CELSR1: variants seen among roughly 807,000 people sequenced by gnomAD.
The protein encoded by CELSR1 is cadherin EGF LAG seven-pass G-type receptor 1, also known as adhesion G protein-coupled receptor C1.
Under a neutral mutation model 249.1 loss-of-function variants are expected in CELSR1, and 110 were observed. The observed-to-expected ratio is 0.44, with a 90% CI of 0.38 to 0.52. The LOEUF (loss-of-function observed/expected upper bound fraction) is 0.52, where lower values mean the gene tolerates loss of function less well. CELSR1 is among the 20% of genes least tolerant of loss of function. The pLI is 0.00. For synonymous variants in CELSR1, 2,113 were observed against 1,900.0 expected (o/e 1.11, Z -2.92); for missense variants, 4,109 against 4,296.4 (o/e 0.96, Z 1.22).
At chr22:46,503,715 C>G (rs1224740954) in intron 1 of CELSR1, among the ~76,000 whole-genome samples, 1 of 152,206 alleles carries the variant, frequency 6.6e-6, no homozygotes, top group African/African-American at 2.4e-5. Flanking sequence ...CACTAATGAA[C>G]AAGACGGAGA....
intron 5 of CELSR1, among the ~76,000 whole-genome samples, chr22:46,415,141 GTATGGGGTGATGAAAA>G (rs1455351257): frequency 6.6e-6 from 1 of 152,156 alleles, no homozygotes; most frequent in African/African-American, 2.4e-5. Context: ...ACTGCTAATG[GTATGGGGTGATGAAAA>G]TACTTCTTTT....
In CELSR1 at chr22:46,411,561, G is replaced by C. The variant is rs2079335266; in HGVS notation, c.4769+41C>G. The C allele has an allele frequency of 6.2e-7, 1 of 1,610,968 alleles. No homozygotes were observed. The highest frequency in any genetic ancestry group is 2.2e-5 in the East Asian group (1 of 44,824). On this transcript the variant is annotated intron_variant, in intron 6 of 34. Transcript: ENST00000674500. This position sits in a 1 kb window ranked among gnomAD's most constrained non-coding sequence, Gnocchi z 4.2. ...GAAGGCCGCAGGGTGAGCATGTTTG[G>C]GGGTACGGACCCCCAGGGCCTCCCC... is the stretch of plus-strand genomic sequence containing the variant.
intron 14 of CELSR1, among the ~76,000 whole-genome samples, chr22:46,392,603 C>T (rs1432636560): frequency 6.6e-6 from 1 of 152,294 alleles, no homozygotes; most frequent in East Asian, 1.9e-4. Flanking sequence ...GTTGCCCAGT[C>T]TGGAGTGCAG....
In CELSR1 at chr22:46,527,152, G is replaced by T. The variant is rs1469050448; in HGVS notation, c.3544+6475C>A. Among the ~76,000 whole-genome samples, 3 of 152,150 alleles carry T rather than the reference G, an allele frequency of 2.0e-5. 1 individual carries two copies. The South Asian group carries it at 6.2e-4, about 31-fold the overall frequency. ...ACGGTACTTTCCATACCACAGTGTG[G>T]CGGCTGGAAAACTGCAAGCGATGGG... On this transcript the variant is annotated intron_variant, in intron 1 of 34. Coordinates refer to ENST00000674500, the MANE Select transcript of CELSR1 (RefSeq NM_001378328.1). The surrounding 1 kb of genome is among the most constrained non-coding windows in gnomAD (Gnocchi z 5.5).
intron 1 of CELSR1, among the ~76,000 whole-genome samples, chr22:46,497,598 T>C (rs1399127253): frequency 6.6e-6 from 1 of 152,196 alleles, no homozygotes; most frequent in Non-Finnish European, 1.5e-5. Context: ...GACTTGCCAT[T>C]GGAGTTAGGG....
chr22:46,432,226 G>C (rs1035859107), intron 5 of CELSR1, among the ~76,000 whole-genome samples: 1 of 152,232 alleles, frequency 6.6e-6, no homozygotes, highest in African/African-American at 2.4e-5. Flanking sequence ...AGGGACGCCG[G>C]TGGCCAGCAT....
Position 46,409,555 on chromosome 22 carries a change from G to A in CELSR1, c.5059+200C>T, listed in dbSNP as rs959170665. 1.3e-5 allele frequency among the ~76,000 whole-genome samples: 2 copies of A among 152,152 alleles called. No individual in the cohort carries two copies. The highest frequency in any genetic ancestry group is 2.9e-5 in the Non-Finnish European group (2 of 68,016). ...CCCACCCCACACCTGAGGGACTGGG[G>A]ACCCCAGAAGCAGGAGCAGGGGCTC... is the stretch of plus-strand genomic sequence containing the variant. On this transcript the variant is annotated intron_variant, in intron 8 of 34. Transcript: ENST00000674500. The surrounding 1 kb of genome is among the most constrained non-coding windows in gnomAD (Gnocchi z 9.8).
At chr22:46,425,412 C>T (rs5767203) in intron 5 of CELSR1, among the ~76,000 whole-genome samples, 106,213 of 152,114 alleles carry the variant, frequency 0.7, 37,112 homozygotes, top group South Asian at 0.74. Flanking sequence ...CATCTGGGCC[C>T]GGAGATTTCC....
intron 1 of CELSR1, among the ~76,000 whole-genome samples, chr22:46,474,856 C>T (rs1322005077): frequency 7.2e-6 from 1 of 138,428 alleles, no homozygotes; most frequent in Non-Finnish European, 1.5e-5. Context: ...CTGCAGGTCC[C>T]AGGCAGGTCA....
intron 9 of CELSR1, among the ~76,000 whole-genome samples, chr22:46,404,715 C>G (rs954097955): frequency 2.6e-5 from 4 of 152,210 alleles, no homozygotes; most frequent in Admixed American, 2.0e-4. Flanking sequence ...TCTTGAACTC[C>G]TGACCTCAGG....
intron 12 of CELSR1, among the ~76,000 whole-genome samples, chr22:46,397,277 CTTTT>C (rs528088887): frequency 0.074 from 5,794 of 78,800 alleles, 545 homozygotes; most frequent in African/African-American, 0.29. Flanking sequence ...CTAATTTTTG[CTTTT>C]TTTTTTTTTT....
chr22:46,491,799 G>A (rs2080370053), intron 1 of CELSR1, among the ~76,000 whole-genome samples: 1 of 151,388 alleles, frequency 6.6e-6, no homozygotes, highest in African/African-American at 2.4e-5. Flanking sequence ...ACCACGCCCG[G>A]CTAATGTTTG....
At position 46,527,864 on chromosome 22, in the gene CELSR1, G is replaced by A. The variant is rs1444386453; in HGVS notation, c.3544+5763C>T. 6.6e-6 allele frequency among the ~76,000 whole-genome samples: 1 copy of A among 152,226 alleles called. No homozygotes were observed. Among genetic ancestry groups the A allele is most frequent in the East Asian group, 1.9e-4 (1 of 5,200 alleles). Reference sequence around the variant, plus strand: ...TAATCCCAGCATTTTGGGAGGCTGAGGCGGGCGGATAGCCTGAGGTCAGGA... The same window carrying A: ...TAATCCCAGCATTTTGGGAGGCTGAAGCGGGCGGATAGCCTGAGGTCAGGA... On this transcript the variant is annotated intron_variant, in intron 1 of 34. Transcript: ENST00000674500. This position sits in a 1 kb window ranked among gnomAD's most constrained non-coding sequence, Gnocchi z 5.5.
At chr22:46,442,033 ATCTACTC>A (rs539631526) in intron 2 of CELSR1, among the ~76,000 whole-genome samples, 184 of 152,300 alleles carry the variant, frequency 1.2e-3, no homozygotes, top group African/African-American at 4.2e-3. Flanking sequence ...CTGTAATCCC[ATCTACTC>A]GGGAGGCTGA....
chr22:46,533,965 T>A lies in CELSR1; in HGVS notation c.3206A>T (p.Glu1069Val), dbSNP rs771340702. ...MVELDFEVRR[E>V]YVLVVQATSA... is the part of the protein sequence containing the mutation. ...CGTGGCCTGCACCACCAGCACATACTCCCGCCGGACCTCAAAGTCCAGCTC... is the reference window on the plus strand; with the variant it reads ...CGTGGCCTGCACCACCAGCACATACACCCGCCGGACCTCAAAGTCCAGCTC... Residue 1069 changes from glutamate to valine, a missense_variant, in exon 1 of 35, where the codon GAG (glutamate) becomes GTG (valine). Glu to Val is a moderately radical substitution (Grantham distance 121). This residue lies in a region of CELSR1 where 886 missense variants were observed against 896.5 expected (regional missense o/e 0.99). Coordinates refer to ENST00000674500, the MANE Select transcript of CELSR1 (RefSeq NM_001378328.1). 1 of 1,613,262 alleles carries A rather than the reference T, an allele frequency of 6.2e-7. No homozygotes were observed.
rs1218540124 is a variant in CELSR1 at position 46,364,005 on chromosome 22, G to A, written c.9026C>T (p.Ser3009Phe). ...GGCCCAGGCTACTCACTCAGAGTCGGAGCCATCGGCCTGGGCGCTCCCAGT... is the reference window on the plus strand; with the variant it reads ...GGCCCAGGCTACTCACTCAGAGTCGAAGCCATCGGCCTGGGCGCTCCCAGT... The part of the protein sequence containing the change: ...VRTGSAQADG[S>F]DSEGSNETSI The change falls in exon 34 of 35, where the codon TCC becomes TTC. Residue 3009 changes from serine to phenylalanine, a missense_variant. Coordinates refer to ENST00000674500, the MANE Select transcript of CELSR1 (RefSeq NM_001378328.1). 1.9e-6 allele frequency: 3 copies of A among 1,606,280 alleles called. No individual in the cohort carries two copies. The highest frequency in any genetic ancestry group is 2.2e-5 in the East Asian group (1 of 44,678).
rs2079186724 is a variant in CELSR1 at position 46,399,409 on chromosome 22, G to C, written c.5412+308C>G. Among the ~76,000 whole-genome samples, 1 of 152,210 alleles carries C rather than the reference G, an allele frequency of 6.6e-6. No individual in the cohort carries two copies. The highest frequency in any genetic ancestry group is 6.5e-5 in the Admixed American group (1 of 15,288). On this transcript the variant is annotated intron_variant, in intron 10 of 34. Transcript: ENST00000674500. The surrounding 1 kb of genome is among the most constrained non-coding windows in gnomAD (Gnocchi z 5.0). ...CTAAAGACATGGTGCTGAGCCTGCA[G>C]GTGTTGCTCAAGATGGCTTTGCTAA... is the stretch of plus-strand genomic sequence containing the variant.
intron 27 of CELSR1, 46 bp downstream of exon 27, chr22:46,369,133 A>C: frequency 6.3e-7 from 1 of 1,590,514 alleles, no homozygotes; most frequent in Non-Finnish European, 8.6e-7. Context: ...TCGGGGTCTC[A>C]GGGCCCAGCC....
chr22:46,368,679 G>A (rs2078815479), intron 27 of CELSR1, among the ~76,000 whole-genome samples: 1 of 151,960 alleles, frequency 6.6e-6, no homozygotes, highest in African/African-American at 2.4e-5. Flanking sequence ...GAGTCCTCCC[G>A]CGGTGCCACC....
Sources: allele counts gnomAD v4.1 joint callset (sites outside exome capture counted in the v4.1 genomes callset), GRCh38; gene constraint gnomAD v4.1.1; regional missense constraint gnomAD v4.1.1; non-coding constraint Gnocchi (gnomAD v3.1); transcripts MANE v1.5; gene names NCBI Gene and HGNC (gene_info 2026-07-23, HGNC 2026-07-21).